The following ATP6V1E1 variants were observed in gnomAD, a reference collection of about 807,000 sequenced individuals.
ATP6V1E1 encodes the protein ATPase H+ transporting V1 subunit E1, also known as V-type proton ATPase subunit E 1.
In ATP6V1E1, 21 loss-of-function variants were observed where a neutral mutation model predicts 35.2. The ratio of observed to expected loss-of-function variants is 0.60; its 90% CI spans 0.42 to 0.86. The LOEUF (loss-of-function observed/expected upper bound fraction) is 0.86, where lower values mean the gene tolerates loss of function less well. ATP6V1E1 is among the 40% of genes least tolerant of loss of function. The probability of loss-of-function intolerance (pLI) is 0.00; values close to 1 mark genes in which losing one functional copy is unlikely to be tolerated. For synonymous variants in ATP6V1E1, 83 were observed against 87.8 expected (o/e 0.95, Z 0.30); for missense variants, 183 against 272.6 (o/e 0.67, Z 2.32).
chr22:17,626,659 T>C (rs1239100037), intron 1 of ATP6V1E1, among the ~76,000 whole-genome samples: 1 of 151,842 alleles, frequency 6.6e-6, no homozygotes, highest in Non-Finnish European at 1.5e-5. Context: ...AGCCTCCTAG[T>C]AGTTGGGATT....
chr22:17,597,446 AATACCACTC>A (rs1313498679), intron 7 of ATP6V1E1, among the ~76,000 whole-genome samples: 1 of 151,910 alleles, frequency 6.6e-6, no homozygotes, highest in African/African-American at 2.4e-5. Context: ...CAGTCATAAA[AATACCACTC>A]ATACTTGCAA....
intron 6 of ATP6V1E1, among the ~76,000 whole-genome samples, chr22:17,599,215 A>G (rs2057748811): frequency 6.6e-6 from 1 of 152,080 alleles, no homozygotes; most frequent in South Asian, 2.1e-4. Flanking sequence ...TGGCTGCACA[A>G]TATTGTAAAT....
At chr22:17,596,301 T>C (rs1259535561) in intron 7 of ATP6V1E1, among the ~76,000 whole-genome samples, 1 of 151,994 alleles carries the variant, frequency 6.6e-6, no homozygotes, top group Admixed American at 6.6e-5. Context: ...TGGAGCATAG[T>C]AGGAGGTGTT....
chr22:17,603,852 T>G (rs2057772999), intron 4 of ATP6V1E1, among the ~76,000 whole-genome samples: 1 of 152,136 alleles, frequency 6.6e-6, no homozygotes, highest in African/African-American at 2.4e-5. Context: ...CCCTCTAACA[T>G]TTTTCCTCTC....
intron 1 of ATP6V1E1, among the ~76,000 whole-genome samples, chr22:17,625,419 C>T (rs79439072): frequency 0.018 from 2,665 of 151,890 alleles, 72 homozygotes; most frequent in African/African-American, 0.059. Context: ...CCACCTCGCC[C>T]GGCTAATTTT....
chr22:17,598,076 C>G (rs996640310), intron 7 of ATP6V1E1, 118 bp downstream of exon 7: 1 of 785,082 alleles, frequency 1.3e-6, no homozygotes, highest in Non-Finnish European at 2.1e-6. Context: ...CACCACAGCT[C>G]TAGCCTTGTG....
intron 2 of ATP6V1E1, among the ~76,000 whole-genome samples, chr22:17,614,796 G>A (rs147896049): frequency 0.013 from 1,926 of 150,140 alleles, 36 homozygotes; most frequent in African/African-American, 0.045. Flanking sequence ...GTGAAACCCC[G>A]TCTCTACTAA....
At chr22:17,612,245 A>G (rs2057819240) in intron 4 of ATP6V1E1, among the ~76,000 whole-genome samples, 1 of 152,170 alleles carries the variant, frequency 6.6e-6, no homozygotes, top group Non-Finnish European at 1.5e-5. Context: ...TGGAAACAGC[A>G]GGCATCCCTG....
intron 1 of ATP6V1E1, among the ~76,000 whole-genome samples, chr22:17,622,444 T>C (rs2057882342): frequency 1.3e-5 from 2 of 152,150 alleles, no homozygotes; most frequent in South Asian, 4.1e-4. Context: ...TAACACAAGA[T>C]ATCATAAATC....
At chr22:17,616,604 G>A (rs2895946) in intron 2 of ATP6V1E1, among the ~76,000 whole-genome samples, 52,068 of 149,450 alleles carry the variant, frequency 0.35, 9,307 homozygotes, top group African/African-American at 0.41. Flanking sequence ...GCTTGAACTC[G>A]GGAGGCGGAG....
chr22:17,592,804 T>A, intron 8 of ATP6V1E1, 68 bp from the exon 9 acceptor site: 3 of 1,093,430 alleles, frequency 2.7e-6, no homozygotes, highest in Non-Finnish European at 3.8e-6. Flanking sequence ...GCACATCTTT[T>A]TTTTTTTTTT....
intron 8 of ATP6V1E1, among the ~76,000 whole-genome samples, 166 bp downstream of exon 8, chr22:17,594,363 C>G (rs1160780145): frequency 6.6e-6 from 1 of 152,266 alleles, no homozygotes; most frequent in East Asian, 1.9e-4. Flanking sequence ...GTAAATGTTA[C>G]CACCTCAGCA....
At chr22:17,600,980 A>G in intron 5 of ATP6V1E1, 112 bp downstream of exon 5, 2 of 920,260 alleles carry the variant, frequency 2.2e-6, no homozygotes, top group Non-Finnish European at 3.2e-6. Flanking sequence ...GGGTGAAAGG[A>G]AAAAAACTAG....
chr22:17,612,873 A>G lies in ATP6V1E1; in HGVS notation c.215T>C (p.Met72Thr). The G allele has an allele frequency of 6.2e-7, 1 of 1,608,890 alleles. No individual in the cohort carries two copies. The change falls in exon 4 of 9, where the codon ATG (methionine) becomes ACG (threonine). Residue 72 changes from methionine (M) to threonine (T), a missense_variant. Coordinates refer to ENST00000253413, the MANE Select transcript of ATP6V1E1 (RefSeq NM_001696.4). The part of the protein sequence containing the change: ...KQIEQQKKIQ[M>T]SNLMNQARLK... ...TCTCGCTTGATTCATCAAATTGGAC[A>G]TCTGACTGCAAAACGGTATTGAAAA...
rs750597664 is a variant in ATP6V1E1, at chr22:17,626,541, ATT to A, written c.33+2060_33+2061del. Among the ~76,000 whole-genome samples the A allele has an allele frequency of 1.5e-3, 201 of 133,246 alleles. 1 individual carries two copies. The highest frequency in any genetic ancestry group is 4.9e-3 in the African/African-American group (179 of 36,678). The allele number at this position is 133,246 out of a possible 152,430, so 87.4% of individuals were successfully genotyped here. ...CATGTGTGCCCCACCACACCTGGCAATTTTTTTTTTTTTTTGAGACAGTCTCG... is the reference window on the plus strand; with the variant it reads ...CATGTGTGCCCCACCACACCTGGCAATTTTTTTTTTTTTGAGACAGTCTCG... On this transcript the variant is annotated intron_variant, in intron 1 of 8. Transcript: ENST00000253413.
chr22:17,628,593 A>C lies in ATP6V1E1; in HGVS notation c.33+10T>G. The stretch of plus-strand genomic sequence containing the variant: ...GCCGCGGCTTCGTAAGACCCAACCA[A>C]GCCCCTCACCTGCTTTTGCACGTCA... On this transcript the variant is annotated intron_variant, in intron 1 of 8. Coordinates refer to ENST00000253413, the MANE Select transcript of ATP6V1E1 (RefSeq NM_001696.4). 1 of 1,614,092 alleles carries C rather than the reference A, an allele frequency of 6.2e-7. No individual in the cohort carries two copies. The highest frequency in any genetic ancestry group is 1.1e-5 in the South Asian group (1 of 91,084).
chr22:17,596,192 T>C (rs1021907261), intron 7 of ATP6V1E1, among the ~76,000 whole-genome samples: 2 of 152,054 alleles, frequency 1.3e-5, no homozygotes, highest in Admixed American at 6.6e-5. Context: ...AATACGTCAA[T>C]TTACAGATAA....
intron 6 of ATP6V1E1, among the ~76,000 whole-genome samples, chr22:17,599,577 CAAA>C (rs71284922): frequency 3.0e-5 from 2 of 65,682 alleles, no homozygotes; most frequent in Non-Finnish European, 5.7e-5. Context: ...AACTCCATCT[CAAA>C]AAAAAAAAAA....
chr22:17,607,859 A>T (rs755560995), intron 4 of ATP6V1E1, among the ~76,000 whole-genome samples: 27 of 152,148 alleles, frequency 1.8e-4, no homozygotes, highest in Non-Finnish European at 3.7e-4. Flanking sequence ...TATGCCCATT[A>T]AAGTTAGAGA....
Sources: gnomAD v4.1 joint callset for allele counts (sites outside exome capture counted in the v4.1 genomes callset) on GRCh38, gnomAD v4.1.1 for gene constraint, MANE v1.5 for transcripts, NCBI Gene and HGNC (gene_info 2026-07-23, HGNC 2026-07-21) for gene names.